Variants in TOPAZ1 observed in about 807,000 individuals in gnomAD.
The protein encoded by TOPAZ1 is testis and ovary specific TOPAZ 1, also known as protein TOPAZ1.
A neutral mutation model predicts 172.2 loss-of-function variants in TOPAZ1; 66 were observed. The ratio of observed to expected loss-of-function variants is 0.38; its 90% CI spans 0.31 to 0.47. TOPAZ1 has a LOEUF of 0.47. Among genes scored for constraint, TOPAZ1 ranks in the 20% least tolerant of loss-of-function variants. The pLI, the probability that TOPAZ1 is intolerant of heterozygous loss-of-function variation, is 0.99. For missense variants in TOPAZ1, 1,822 were observed against 1,972.4 expected, an observed-to-expected ratio of 0.92 and a Z score of 1.44; for synonymous variants, 681 against 683.9, an observed-to-expected ratio of 1.00 and a Z score of 0.07.
chr3:44,330,767 C>A (rs139423464), intron 19 of TOPAZ1, among the ~76,000 whole-genome samples: 58 of 152,326 alleles, frequency 3.8e-4, no homozygotes, highest in African/African-American at 1.4e-3. Flanking sequence ...AACAGCCACA[C>A]CTCTATTTTA....
At chr3:44,268,363 A>ATTTTTTTTTTTTTTTTT (rs1293339613) in intron 6 of TOPAZ1, among the ~76,000 whole-genome samples, 2 of 91,758 alleles carry the variant, frequency 2.2e-5, no homozygotes, top group Non-Finnish European at 2.2e-5. Context: ...TGTGGTGCCT[A>ATTTTTTTTTTTTTTTTT]TTCTTTTTTT....
intron 14 of TOPAZ1, among the ~76,000 whole-genome samples, chr3:44,305,866 G>A (rs145380964): frequency 4.8e-4 from 73 of 152,150 alleles, no homozygotes; most frequent in East Asian, 1.9e-3. Flanking sequence ...AGTATCAAAC[G>A]TTTCACATTC....
chr3:44,253,768 T>G (rs775943687), intron 2 of TOPAZ1, among the ~76,000 whole-genome samples: 4 of 152,254 alleles, frequency 2.6e-5, no homozygotes, highest in African/African-American at 4.8e-5. Flanking sequence ...AAAAATACTT[T>G]GTTTTCTAAA....
chr3:44,254,957 C>A lies in TOPAZ1; in HGVS notation c.2766-11C>A. The stretch of plus-strand genomic sequence containing the variant: ...TATTATAATGTTTAAGCTCTGTTTG[C>A]TTTATAATAGAGAACTTCCTGTACT... On this transcript the variant is annotated splice_polypyrimidine_tract_variant and intron_variant, in intron 2 of 19. Coordinates refer to ENST00000309765, the MANE Select transcript of TOPAZ1 (RefSeq NM_001145030.2). The A allele has an allele frequency of 6.5e-7, 1 of 1,544,928 alleles. No individual in the cohort carries two copies. The highest frequency in any genetic ancestry group is 8.8e-7 in the Non-Finnish European group (1 of 1,141,270).
At chr3:44,270,664 T>C in intron 7 of TOPAZ1, 21 bp from the exon 8 acceptor site, 1 of 1,526,208 alleles carries the variant, frequency 6.6e-7, no homozygotes, top group Admixed American at 2.1e-5. Flanking sequence ...ATACAGAAAG[T>C]GAATCTTTCT....
chr3:44,313,623 A>C (rs1330521796), intron 16 of TOPAZ1, among the ~76,000 whole-genome samples: 1 of 151,760 alleles, frequency 6.6e-6, no homozygotes, highest in Non-Finnish European at 1.5e-5. Flanking sequence ...GTCTCAAAAA[A>C]AAAAAAAAAA....
intron 5 of TOPAZ1, among the ~76,000 whole-genome samples, chr3:44,262,769 T>C (rs111763131): frequency 6.6e-5 from 10 of 152,216 alleles, no homozygotes; most frequent in African/African-American, 2.2e-4. Context: ...TATGAAGATA[T>C]GAGTGGCTGA....
chr3:44,304,118 C>A, intron 13 of TOPAZ1, 37 bp downstream of exon 13: 3 of 1,225,680 alleles, frequency 2.4e-6, no homozygotes, highest in Non-Finnish European at 3.4e-6. Context: ...TTGCTGGGAT[C>A]TCTGAAAATC....
intron 5 of TOPAZ1, among the ~76,000 whole-genome samples, chr3:44,265,333 G>A (rs921194700): frequency 3.3e-5 from 5 of 152,184 alleles, no homozygotes; most frequent in Non-Finnish European, 2.9e-5. Context: ...AGGCCAAGGT[G>A]GGTGGATCAC....
chr3:44,278,281 T>C (rs2125689575), intron 8 of TOPAZ1, among the ~76,000 whole-genome samples: 1 of 152,322 alleles, frequency 6.6e-6, no homozygotes, highest in East Asian at 1.9e-4. Context: ...GGTTTGCTAA[T>C]ATTTTGTTGA....
Position 44,306,411 on chromosome 3 carries a change from G to A in TOPAZ1, c.4125G>A (p.Leu1375=). Residue 1375 remains leucine (L), a synonymous_variant, in exon 15 of 20, where the codon CTG becomes CTA. Transcript: ENST00000309765. ...GISAMYFYHK[L]LQWSKGRKVL... ...GTGCTATGTACTTCTATCACAAGCT[G>A]TTGCAGTGGTCCAAGGTACTTCATT... 1.9e-6 allele frequency: 3 copies of A among 1,541,058 alleles called. No individual in the cohort carries two copies. Among genetic ancestry groups the A allele is most frequent in the Non-Finnish European group, 1.8e-6 (2 of 1,139,242 alleles).
Position 44,287,549 on chromosome 3 carries a change from C to A in TOPAZ1, c.3588+9C>A. 2.1e-6 allele frequency: 3 copies of A among 1,441,140 alleles called. No homozygotes were observed. The highest frequency in any genetic ancestry group is 2.7e-5 in the East Asian group (1 of 37,662). 89.3% of individuals were successfully genotyped at this position (1,441,140 alleles called of 1,614,324 possible). On this transcript the variant is annotated intron_variant, in intron 10 of 19. Coordinates refer to ENST00000309765, the MANE Select transcript of TOPAZ1 (RefSeq NM_001145030.2). The stretch of plus-strand genomic sequence containing the variant: ...TAATGGTTAAAATGCTGGTAAGTAG[C>A]CTGAAAATATATGTTATTTTAATAT...
chr3:44,266,041 T>C (rs1418969254), intron 5 of TOPAZ1, among the ~76,000 whole-genome samples: 1 of 152,226 alleles, frequency 6.6e-6, no homozygotes, highest in Non-Finnish European at 1.5e-5. Context: ...ACTTTTCCAT[T>C]AGCAAGTTGA....
Position 44,305,235 on chromosome 3 carries a change from C to T in TOPAZ1, c.3953C>T (p.Thr1318Ile), listed in dbSNP as rs56124009. 1.9e-4 allele frequency: 294 copies of T among 1,548,428 alleles called. No homozygotes were observed. The African/African-American group carries it at 3.6e-3, about 19-fold the overall frequency. ...TGTGAAAAATTTGCAGATTTCCAGA[C>T]ATTTTGTGCTTGCATTGCTGAAACA... ...MGCEKFADFQ[T>I]FCACIAETLT... The change falls in exon 14 of 20, where the codon ACA (threonine) becomes ATA (isoleucine). Residue 1318 changes from threonine to isoleucine, a missense_variant. Thr to Ile is a moderately conservative substitution (Grantham distance 89). Coordinates refer to ENST00000309765, the MANE Select transcript of TOPAZ1 (RefSeq NM_001145030.2).
intron 5 of TOPAZ1, among the ~76,000 whole-genome samples, chr3:44,266,417 T>G (rs1189287248): frequency 2.0e-5 from 3 of 152,256 alleles, no homozygotes; most frequent in Non-Finnish European, 2.9e-5. Flanking sequence ...TGGCCTGTCT[T>G]ATCCGTCAAC....
Position 44,242,877 on chromosome 3 carries a change from AAGCC to A in TOPAZ1, c.372_375del (p.Glu124AspfsTer13). The A allele has an allele frequency of 6.6e-7, 1 of 1,506,524 alleles. No individual in the cohort carries two copies. The highest frequency in any genetic ancestry group is 1.3e-5 in the South Asian group (1 of 75,948). 93.3% of individuals were successfully genotyped at this position (1,506,524 alleles called of 1,614,324 possible). A position where few individuals can be genotyped will look rare whatever the true frequency, so the allele number is the denominator to read the frequency against. ...GCCAAGGAAAAAAGAAAAGTTACTG[AAGCC>A]TCAAGTGATGATCCACAGCCAGGGC... On this transcript the variant is annotated frameshift_variant, in exon 2 of 20. Coordinates refer to ENST00000309765, the MANE Select transcript of TOPAZ1 (RefSeq NM_001145030.2). LOFTEE classifies it high-confidence loss of function.
At chr3:44,288,047 A>G (rs1700098554) in intron 11 of TOPAZ1, among the ~76,000 whole-genome samples, 1 of 152,084 alleles carries the variant, frequency 6.6e-6, no homozygotes, top group African/African-American at 2.4e-5. Flanking sequence ...AGTTTCAGAC[A>G]CTCAGATTAT....
At chr3:44,327,651 TG>T (rs1318888691) in intron 18 of TOPAZ1, among the ~76,000 whole-genome samples, 1 of 152,162 alleles carries the variant, frequency 6.6e-6, no homozygotes, top group Non-Finnish European at 1.5e-5. Flanking sequence ...GAAATTGTCT[TG>T]TGTTTACTGT....
At chr3:44,295,971 G>T (rs554794307) in intron 12 of TOPAZ1, among the ~76,000 whole-genome samples, 1 of 152,186 alleles carries the variant, frequency 6.6e-6, no homozygotes, top group East Asian at 1.9e-4. Context: ...CCATATCCTG[G>T]ATCATAAACC....
Sources: gnomAD v4.1 joint callset for allele counts (sites outside exome capture counted in the v4.1 genomes callset) on GRCh38, gnomAD v4.1.1 for gene constraint, MANE v1.5 for transcripts, NCBI Gene and HGNC (gene_info 2026-07-23, HGNC 2026-07-21) for gene names.